The following ABTB3 variants were observed in gnomAD, a reference collection of about 807,000 sequenced individuals.
The protein encoded by ABTB3 is ankyrin repeat and BTB domain containing 3.
At chr12:107,360,230 T>C in the ABTB3 span, among the ~76,000 whole-genome samples, 1 of 152,166 alleles carries the variant, frequency 6.6e-6, no homozygotes, top group African/African-American at 2.4e-5. Flanking sequence ...ATAGCTGAGC[T>C]GGGCTTTGCA....
the ABTB3 span, among the ~76,000 whole-genome samples, chr12:107,459,024 C>T: frequency 1.3e-5 from 2 of 152,172 alleles, no homozygotes; most frequent in Non-Finnish European, 2.9e-5. Flanking sequence ...CTGTATTAGT[C>T]TATTCTCAAG....
the ABTB3 span, among the ~76,000 whole-genome samples, chr12:107,544,655 G>T: frequency 2.0e-5 from 3 of 152,172 alleles, no homozygotes; most frequent in Non-Finnish European, 1.5e-5. Flanking sequence ...CCCGGAGGCT[G>T]CCTGGAGGCC....
the ABTB3 span, among the ~76,000 whole-genome samples, chr12:107,338,430 G>A: frequency 1.3e-5 from 2 of 152,186 alleles, no homozygotes; most frequent in African/African-American, 2.4e-5. Flanking sequence ...AGGGTGGGAA[G>A]GGTGAAGTAT....
the ABTB3 span, among the ~76,000 whole-genome samples, chr12:107,379,191 C>T: frequency 0.01 from 1,598 of 152,242 alleles, 30 homozygotes; most frequent in African/African-American, 0.036. Context: ...ACACATTGCT[C>T]CACCTGGTGC....
the ABTB3 span, among the ~76,000 whole-genome samples, chr12:107,501,880 A>T: frequency 6.6e-6 from 1 of 151,870 alleles, no homozygotes; most frequent in African/African-American, 2.4e-5. Context: ...TGCGAATGTG[A>T]TGTGTTGGGG....
At chr12:107,464,029 G>C in the ABTB3 span, among the ~76,000 whole-genome samples, 4 of 152,196 alleles carry the variant, frequency 2.6e-5, no homozygotes, top group African/African-American at 9.7e-5. Flanking sequence ...AGCCCAGGGA[G>C]GAGCGGGAGG....
At chr12:107,450,521 T>C in the ABTB3 span, among the ~76,000 whole-genome samples, 1 of 151,904 alleles carries the variant, frequency 6.6e-6, no homozygotes, top group Non-Finnish European at 1.5e-5. Flanking sequence ...AGAAATTCGA[T>C]TGAGGGAAAT....
At chr12:107,445,742 T>C in the ABTB3 span, among the ~76,000 whole-genome samples, 1 of 152,200 alleles carries the variant, frequency 6.6e-6, no homozygotes, top group Admixed American at 6.5e-5. Context: ...GCTGCACTTC[T>C]TCTGGAGGCT....
the ABTB3 span, among the ~76,000 whole-genome samples, chr12:107,386,871 G>A: frequency 2.0e-5 from 3 of 150,934 alleles, no homozygotes; most frequent in African/African-American, 7.4e-5. Flanking sequence ...GGGAGGCCGA[G>A]AAGTCGAAGG....
chr12:107,504,573 C>T, the ABTB3 span, among the ~76,000 whole-genome samples: 5 of 152,160 alleles, frequency 3.3e-5, no homozygotes, highest in African/African-American at 4.8e-5. Flanking sequence ...ATACTTAACA[C>T]GAAGGCTTGG....
the ABTB3 span, among the ~76,000 whole-genome samples, chr12:107,586,499 G>A: frequency 6.6e-6 from 1 of 152,114 alleles, no homozygotes; most frequent in African/African-American, 2.4e-5. Flanking sequence ...CTCCGGCTGG[G>A]CTGCCAACCC....
the ABTB3 span, among the ~76,000 whole-genome samples, chr12:107,564,088 CTCTGTG>C: frequency 0.028 from 3,875 of 138,034 alleles, 73 homozygotes; most frequent in South Asian, 0.044. Flanking sequence ...CTATCTATCT[CTCTGTG>C]TGTGTGTGTG....
the ABTB3 span, among the ~76,000 whole-genome samples, chr12:107,575,504 T>G: frequency 6.6e-6 from 1 of 152,078 alleles, no homozygotes; most frequent in Non-Finnish European, 1.5e-5. Flanking sequence ...ACAAAATTCT[T>G]CTCTTAACAG....
the ABTB3 span, among the ~76,000 whole-genome samples, chr12:107,429,704 G>A: frequency 5.9e-5 from 9 of 152,312 alleles, no homozygotes; most frequent in African/African-American, 1.9e-4. Flanking sequence ...TTATGAATGC[G>A]TAGCTCTGGT....
chr12:107,577,058 G>T, the ABTB3 span, among the ~76,000 whole-genome samples: 2 of 152,192 alleles, frequency 1.3e-5, no homozygotes, highest in African/African-American at 4.8e-5. Context: ...AGCCACCTCT[G>T]ACCTACCATC....
At chr12:107,464,518 C>CT in the ABTB3 span, among the ~76,000 whole-genome samples, 2 of 152,054 alleles carry the variant, frequency 1.3e-5, no homozygotes, top group East Asian at 1.9e-4. Context: ...ACTATGTTGC[C>CT]CAGGCTGGTC....
the ABTB3 span, among the ~76,000 whole-genome samples, chr12:107,326,208 T>C: frequency 6.6e-6 from 1 of 152,210 alleles, no homozygotes; most frequent in African/African-American, 2.4e-5. Flanking sequence ...CCTAGCCTCA[T>C]CAGCTATTAT....
chr12:107,352,613 A>C, the ABTB3 span, among the ~76,000 whole-genome samples: 1 of 152,132 alleles, frequency 6.6e-6, no homozygotes, highest in South Asian at 2.1e-4. Flanking sequence ...GCCTGGGGCT[A>C]CCTGTGAGAG....
the ABTB3 span, among the ~76,000 whole-genome samples, chr12:107,494,080 T>C: frequency 6.6e-6 from 1 of 152,194 alleles, no homozygotes; most frequent in African/African-American, 2.4e-5. Flanking sequence ...GGATACTCAC[T>C]TTACAAAAAT....
Sources: allele counts gnomAD v4.1 joint callset (sites outside exome capture counted in the v4.1 genomes callset), GRCh38; gene constraint gnomAD v4.1.1; transcripts MANE v1.5; gene names NCBI Gene and HGNC (gene_info 2026-07-23, HGNC 2026-07-21).